Variants in SLC24A2 observed in about 807,000 individuals in gnomAD.
The protein encoded by SLC24A2 is sodium/potassium/calcium exchanger 2.
Under a neutral mutation model 62.0 loss-of-function variants are expected in SLC24A2, and 36 were observed. That is an observed-to-expected ratio of 0.58 (90% CI 0.44 to 0.77). The LOEUF (loss-of-function observed/expected upper bound fraction) is 0.77. Among genes scored for constraint, SLC24A2 ranks in the 30% least tolerant of loss-of-function variants. SLC24A2 has a pLI of 0.00. For missense variants in SLC24A2, 846 were observed against 817.9 expected (o/e 1.03, Z -0.42); for synonymous variants, 358 against 294.0 (o/e 1.22, Z -2.23).
At chr9:19,853,562 T>A in the SLC24A2 span, among the ~76,000 whole-genome samples, 1 of 152,256 alleles carries the variant, frequency 6.6e-6, no homozygotes, top group Non-Finnish European at 1.5e-5. Context: ...TCTATTGAGA[T>A]AATCATGTGG....
At chr9:19,573,533 G>A (rs113370038) in intron 6 of SLC24A2, 64 bp from the exon 7 acceptor site, 1 of 543,396 alleles carries the variant, frequency 1.8e-6, no homozygotes. Context: ...CACACACAGA[G>A]AGAGAGAGAG....
At chr9:20,121,174 A>G in the SLC24A2 span, among the ~76,000 whole-genome samples, 5 of 150,042 alleles carry the variant, frequency 3.3e-5, no homozygotes, top group Admixed American at 6.7e-5. Context: ...TGGGATTTCA[A>G]TTGAAATTGA....
the SLC24A2 span, among the ~76,000 whole-genome samples, chr9:19,882,468 G>T: frequency 6.6e-6 from 1 of 151,394 alleles, no homozygotes; most frequent in Non-Finnish European, 1.5e-5. Context: ...TCTTCCTTGT[G>T]ACTGATAGCT....
At chr9:19,566,590 G>C (rs1835661437) in intron 7 of SLC24A2, among the ~76,000 whole-genome samples, 1 of 152,116 alleles carries the variant, frequency 6.6e-6, no homozygotes, top group Non-Finnish European at 1.5e-5. Flanking sequence ...AATACCATTT[G>C]ACCCAGCCAT....
chr9:20,090,854 T>C, the SLC24A2 span, among the ~76,000 whole-genome samples: 1 of 152,180 alleles, frequency 6.6e-6, no homozygotes, highest in Non-Finnish European at 1.5e-5. Flanking sequence ...TAAACCAGGC[T>C]GTGTTGACTG....
the SLC24A2 span, among the ~76,000 whole-genome samples, chr9:20,228,283 C>A: frequency 6.6e-6 from 1 of 151,998 alleles, no homozygotes; most frequent in Non-Finnish European, 1.5e-5. Context: ...GGTCAAAGTC[C>A]TTGAACTTCC....
chr9:19,917,640 C>A, the SLC24A2 span, among the ~76,000 whole-genome samples: 70 of 151,804 alleles, frequency 4.6e-4, no homozygotes, highest in Non-Finnish European at 8.0e-4. Flanking sequence ...GAATAGAAAC[C>A]TTTTGTTGTT....
intron 2 of SLC24A2, among the ~76,000 whole-genome samples, chr9:19,662,112 C>A (rs906486196): frequency 6.6e-6 from 1 of 152,118 alleles, no homozygotes; most frequent in Non-Finnish European, 1.5e-5. Flanking sequence ...ATGTGAACTG[C>A]ACATGTCATT....
the SLC24A2 span, among the ~76,000 whole-genome samples, chr9:20,060,033 T>C: frequency 1.3e-5 from 2 of 152,016 alleles, no homozygotes. Flanking sequence ...CAACTGTAAA[T>C]GAACAAGTTG....
At chr9:19,965,278 T>C in the SLC24A2 span, among the ~76,000 whole-genome samples, 1 of 152,162 alleles carries the variant, frequency 6.6e-6, no homozygotes, top group African/African-American at 2.4e-5. Flanking sequence ...GAACAAATGC[T>C]TGCCACAGTG....
At chr9:19,880,777 G>A in the SLC24A2 span, among the ~76,000 whole-genome samples, 605 of 152,290 alleles carry the variant, frequency 4.0e-3, 5 homozygotes, top group African/African-American at 0.014. Flanking sequence ...GATTGGATAT[G>A]TTAAGTTTGA....
the SLC24A2 span, among the ~76,000 whole-genome samples, chr9:20,141,817 C>T: frequency 3.3e-4 from 51 of 152,264 alleles, no homozygotes; most frequent in Middle Eastern, 3.4e-3. Flanking sequence ...GCCACGGTGG[C>T]TCACGCCTGT....
At position 19,675,713 on chromosome 9, in the gene SLC24A2, A is replaced by C. The variant is rs554846072; in HGVS notation, c.931-53414T>G. ...AGTCTCGCTCCTACCGTGCCCCCAC[A>C]AAAGCACCAAGTTTATTTTCAGCCA... On this transcript the variant is annotated intron_variant, in intron 2 of 10. Transcript: ENST00000341998. 5.2e-3 allele frequency among the ~76,000 whole-genome samples: 797 copies of C among 152,240 alleles called. 7 individuals are homozygous for C. The highest frequency in any genetic ancestry group is 8.3e-3 in the Non-Finnish European group (565 of 68,004).
At chr9:20,184,001 A>G in the SLC24A2 span, among the ~76,000 whole-genome samples, 1 of 152,200 alleles carries the variant, frequency 6.6e-6, no homozygotes, top group Non-Finnish European at 1.5e-5. Context: ...GGGAGAAAAT[A>G]TTTGCAAACC....
At chr9:19,913,161 A>T in the SLC24A2 span, among the ~76,000 whole-genome samples, 2 of 152,038 alleles carry the variant, frequency 1.3e-5, no homozygotes, top group African/African-American at 2.4e-5. Flanking sequence ...GAAGAATTCA[A>T]CCACTATCTA....
At chr9:20,278,659 G>T in the SLC24A2 span, among the ~76,000 whole-genome samples, 1 of 152,202 alleles carries the variant, frequency 6.6e-6, no homozygotes, top group African/African-American at 2.4e-5. Context: ...TCTCTAGGAA[G>T]TTCCAGACTT....
At chr9:20,198,382 G>C in the SLC24A2 span, among the ~76,000 whole-genome samples, 7 of 152,252 alleles carry the variant, frequency 4.6e-5, no homozygotes, top group South Asian at 1.5e-3. Flanking sequence ...GGTTTTAGAG[G>C]GAAGCTCTTC....
intron 2 of SLC24A2, among the ~76,000 whole-genome samples, chr9:19,719,463 G>A (rs1449499154): frequency 2.0e-5 from 3 of 151,376 alleles, no homozygotes; most frequent in African/African-American, 4.9e-5. Flanking sequence ...TAACCATATT[G>A]CTTCCTAGAC....
intron 2 of SLC24A2, among the ~76,000 whole-genome samples, chr9:19,639,245 G>A (rs142024619): frequency 3.7e-4 from 56 of 152,250 alleles, no homozygotes; most frequent in Non-Finnish European, 6.9e-4. Flanking sequence ...GCTAATTGTG[G>A]TAGTTTGCAA....
Sources: gnomAD v4.1 joint callset for allele counts (sites outside exome capture counted in the v4.1 genomes callset) on GRCh38, gnomAD v4.1.1 for gene constraint, MANE v1.5 for transcripts, NCBI Gene and HGNC (gene_info 2026-07-23, HGNC 2026-07-21) for gene names.